CTIF: variants seen among roughly 807,000 people sequenced by gnomAD.
The protein encoded by CTIF is cap binding complex dependent translation initiation factor.
Under a neutral mutation model 66.0 loss-of-function variants are expected in CTIF, and 21 were observed. The observed-to-expected ratio is 0.32, with a 90% CI of 0.23 to 0.46. The LOEUF (loss-of-function observed/expected upper bound fraction) is 0.46, where lower values mean the gene tolerates loss of function less well. CTIF is among the 20% of genes least tolerant of loss of function. The pLI, the probability that CTIF is intolerant of heterozygous loss-of-function variation, is 1.00. For missense variants in CTIF, 739 were observed against 812.7 expected (o/e 0.91, Z 1.10); for synonymous variants, 345 against 326.4 (o/e 1.06, Z -0.62).
chr18:48,656,677 GC>G (rs1173168251), intron 3 of CTIF, among the ~76,000 whole-genome samples: 5 of 152,146 alleles, frequency 3.3e-5, no homozygotes, highest in Non-Finnish European at 7.4e-5. Context: ...CTGGTATGGG[GC>G]CCCCTAATTG....
At position 48,625,996 on chromosome 18, in the gene CTIF, CTTTCT is replaced by C. The variant is rs1328908358; in HGVS notation, c.180+6255_180+6259del. 2.8e-3 allele frequency among the ~76,000 whole-genome samples: 324 copies of C among 114,432 alleles called. 4 individuals carry two copies. Among genetic ancestry groups the C allele is most frequent in the African/African-American group, 0.011 (306 of 28,006 alleles). The allele number at this position is 114,432 out of a possible 152,430, so 75.1% of individuals were successfully genotyped here. ...AATTCACATTGTCTTATTTCTTTTT[CTTTCT>C]TTTTTTTTTTTTTTTTTTGAGATGG... On this transcript the variant is annotated intron_variant, in intron 2 of 11. Coordinates refer to ENST00000256413, the MANE Select transcript of CTIF (RefSeq NM_014772.3).
chr18:48,775,764 G>A (rs1422745072), intron 9 of CTIF, among the ~76,000 whole-genome samples: 1 of 152,266 alleles, frequency 6.6e-6, no homozygotes, highest in Non-Finnish European at 1.5e-5. Flanking sequence ...CAGGATCTGG[G>A]TGGAAGGAAG....
At position 48,797,497 on chromosome 18, in the gene CTIF, T is replaced by C. The variant is rs7408080; in HGVS notation, c.1372-19724T>C. ...GACTCCATCCAAAAAAGAAAAGGGG[T>C]GGGGGGGCAAGTTTCTGAGTTCTGA... On this transcript the variant is annotated intron_variant, in intron 9 of 11. Transcript: ENST00000256413. Among the ~76,000 whole-genome samples, 25 of 138,532 alleles carry C rather than the reference T, an allele frequency of 1.8e-4. No homozygotes were observed. In the Middle Eastern group the frequency reaches 0.026, roughly 143 times the overall value. 90.9% of individuals were successfully genotyped at this position (138,532 alleles called of 152,430 possible). A position where few individuals can be genotyped will look rare whatever the true frequency, so the allele number is the denominator to read the frequency against.
intron 3 of CTIF, among the ~76,000 whole-genome samples, chr18:48,642,745 T>TAACATTA (rs762551103): frequency 1.3e-4 from 20 of 152,176 alleles, no homozygotes; most frequent in Non-Finnish European, 2.6e-4. Flanking sequence ...TCAGTAACAT[T>TAACATTA]AACATTAAAC....
chr18:48,856,325 G>C (rs1208454011), intron 10 of CTIF, among the ~76,000 whole-genome samples: 1 of 152,206 alleles, frequency 6.6e-6, no homozygotes, highest in Non-Finnish European at 1.5e-5. Flanking sequence ...TAAAATGATG[G>C]AGCCATTGTG....
intron 9 of CTIF, among the ~76,000 whole-genome samples, chr18:48,791,352 T>A (rs1031961378): frequency 2.0e-5 from 3 of 152,140 alleles, no homozygotes; most frequent in African/African-American, 7.2e-5. Context: ...ATTTTCATGG[T>A]TTCACTTCAT....
chr18:48,636,751 C>T (rs185244177), intron 3 of CTIF, 66 bp downstream of exon 3: 16 of 1,301,656 alleles, frequency 1.2e-5, no homozygotes, highest in South Asian at 3.4e-5. Flanking sequence ...GTTCCTGGGC[C>T]GGCCCACAGT....
intron 1 of CTIF, among the ~76,000 whole-genome samples, chr18:48,581,307 C>T (rs114074182): frequency 5.9e-4 from 90 of 152,018 alleles, no homozygotes; most frequent in African/African-American, 2.1e-3. Flanking sequence ...TGCCCTGTGT[C>T]GAAAATTAGA....
intron 6 of CTIF, among the ~76,000 whole-genome samples, chr18:48,678,624 T>C (rs1204286805): frequency 2.0e-5 from 3 of 151,266 alleles, no homozygotes; most frequent in African/African-American, 7.3e-5. Context: ...CTGATTATTC[T>C]GGAGGTGAAG....
intron 3 of CTIF, among the ~76,000 whole-genome samples, chr18:48,660,840 C>T (rs2091329987): frequency 6.6e-6 from 1 of 152,258 alleles, no homozygotes; most frequent in Admixed American, 6.5e-5. Flanking sequence ...GAATCACCAT[C>T]TTCCTGGAAG....
intron 1 of CTIF, among the ~76,000 whole-genome samples, chr18:48,589,182 G>A (rs547265437): frequency 3.3e-5 from 5 of 152,196 alleles, no homozygotes; most frequent in Non-Finnish European, 7.3e-5. Flanking sequence ...GGGGGCTTAA[G>A]ACAGCAGAAA....
intron 1 of CTIF, chr18:48,565,845 G>GTGGGATGGGAAGGTGGGGCTCTA (rs1237402862): frequency 7.2e-5 from 11 of 152,272 alleles, no homozygotes; most frequent in Non-Finnish European, 8.8e-5. Flanking sequence ...TAACGGTCAT[G>GTGGGATGGGAAGGTGGGGCTCTA]TGGGATGGGA....
chr18:48,572,872 A>C (rs1352860202), intron 1 of CTIF, among the ~76,000 whole-genome samples: 2 of 152,166 alleles, frequency 1.3e-5, no homozygotes, highest in African/African-American at 4.8e-5. Context: ...GTGTGCCTGT[A>C]GTCCTAGCTA....
intron 1 of CTIF, among the ~76,000 whole-genome samples, chr18:48,608,777 C>T (rs1296665406): frequency 6.6e-6 from 1 of 152,144 alleles, no homozygotes; most frequent in Non-Finnish European, 1.5e-5. Flanking sequence ...GGAAACAGCT[C>T]GGTACTCTCT....
intron 6 of CTIF, among the ~76,000 whole-genome samples, chr18:48,696,917 G>T (rs572200198): frequency 1.3e-5 from 2 of 152,288 alleles, no homozygotes; most frequent in East Asian, 1.9e-4. Context: ...CTTTGTCCTC[G>T]GAGAGCTTAC....
chr18:48,835,829 C>T (rs2068796266), intron 10 of CTIF, among the ~76,000 whole-genome samples: 1 of 152,050 alleles, frequency 6.6e-6, no homozygotes, highest in African/African-American at 2.4e-5. Context: ...CCACCAAGCC[C>T]CCCACCTGCC....
At chr18:48,852,649 C>G (rs1042616684) in intron 10 of CTIF, among the ~76,000 whole-genome samples, 9 of 152,208 alleles carry the variant, frequency 5.9e-5, no homozygotes, top group Non-Finnish European at 1.2e-4. Context: ...CCCAGAGTAG[C>G]CCACATGGGC....
In CTIF at chr18:48,648,489, G is replaced by GCACA. The variant is rs981846108; in HGVS notation, c.252+11815_252+11818dup. ...TCTGAACACACACACACACACACAC[G>GCACA]CACACACACACACAAACACACACAT... On this transcript the variant is annotated intron_variant, in intron 3 of 11. Transcript: ENST00000256413. Among the ~76,000 whole-genome samples, 232 of 63,036 alleles carry GCACA rather than the reference G, an allele frequency of 3.7e-3. 1 individual carries two copies. The highest frequency in any genetic ancestry group is 8.2e-3 in the African/African-American group (228 of 27,842). The allele number at this position is 63,036 out of a possible 152,430, so 41.4% of individuals were successfully genotyped here.
rs574817417 is a variant in CTIF, at chr18:48,706,044, G to C, written c.508-5575G>C. Among the ~76,000 whole-genome samples the C allele has an allele frequency of 2.7e-4, 41 of 152,286 alleles. No individual in the cohort carries two copies. In the South Asian group the frequency reaches 5.0e-3, roughly 19 times the overall value. ...GGCCCCCTACATTTGTCGAGTGAGA[G>C]AGAGACAAGGGTGGATGGATGGGGG... On this transcript the variant is annotated intron_variant, in intron 6 of 11. Transcript: ENST00000256413.
Sources: allele counts gnomAD v4.1 joint callset (sites outside exome capture counted in the v4.1 genomes callset), GRCh38; gene constraint gnomAD v4.1.1; transcripts MANE v1.5; gene names NCBI Gene and HGNC (gene_info 2026-07-23, HGNC 2026-07-21).